The following LRRFIP1 variants were observed in gnomAD, a reference collection of about 807,000 sequenced individuals.
LRRFIP1 encodes the protein leucine-rich repeat flightless-interacting protein 1.
Under a neutral mutation model 104.4 loss-of-function variants are expected in LRRFIP1, and 62 were observed. The observed-to-expected ratio is 0.59, with a 90% CI of 0.48 to 0.73. LRRFIP1 has a LOEUF of 0.73. Among genes scored for constraint, LRRFIP1 ranks in the 30% least tolerant of loss-of-function variants. LRRFIP1 has a pLI of 0.00. For missense variants in LRRFIP1, 796 were observed against 824.5 expected (o/e 0.97, Z 0.42); for synonymous variants, 300 against 299.0 (o/e 1.00, Z -0.03).
At chr2:237,697,039 A>G (rs1001257438) in intron 1 of LRRFIP1, among the ~76,000 whole-genome samples, 1 of 151,622 alleles carries the variant, frequency 6.6e-6, no homozygotes, top group African/African-American at 2.4e-5. Flanking sequence ...CTTTTTTTTT[A>G]TTGAGACAGT....
intron 23 of LRRFIP1, among the ~76,000 whole-genome samples, chr2:237,774,834 A>G (rs2060943404): frequency 6.6e-6 from 1 of 152,240 alleles, no homozygotes; most frequent in Non-Finnish European, 1.5e-5. Context: ...GCTGTGGCCA[A>G]GAGCTGGGTG....
rs1429983162 is a variant in LRRFIP1 at position 237,691,702 on chromosome 2, G to T, written c.97-16842G>T. Among the ~76,000 whole-genome samples, 1 of 152,072 alleles carries T rather than the reference G, an allele frequency of 6.6e-6. No homozygotes were observed. The highest frequency in any genetic ancestry group is 1.9e-4 in the East Asian group (1 of 5,176). On this transcript the variant is annotated intron_variant, in intron 1 of 23. Transcript: ENST00000308482. This position sits in a 1 kb window ranked among gnomAD's most constrained non-coding sequence, Gnocchi z 5.4. Reference sequence around the variant, plus strand: ...CCCGGGCAGGTCCCCCCCCGGAGGGGACCCCCTCTTCGGGTCGACCCCTAC... The same window carrying T: ...CCCGGGCAGGTCCCCCCCCGGAGGGTACCCCCTCTTCGGGTCGACCCCTAC...
chr2:237,720,041 A>G (rs919967580), intron 5 of LRRFIP1, among the ~76,000 whole-genome samples: 1 of 140,198 alleles, frequency 7.1e-6, no homozygotes, highest in Non-Finnish European at 1.5e-5. Flanking sequence ...TCCACCTCCC[A>G]GGTTCAACAA....
intron 8 of LRRFIP1, among the ~76,000 whole-genome samples, chr2:237,729,037 C>G (rs955242806): frequency 6.6e-6 from 1 of 152,244 alleles, no homozygotes; most frequent in Non-Finnish European, 1.5e-5. Flanking sequence ...ATTCTCCTGC[C>G]TCAGCCTCCC....
At chr2:237,637,049 A>G (rs1205227837) in intron 1 of LRRFIP1, among the ~76,000 whole-genome samples, 1 of 152,254 alleles carries the variant, frequency 6.6e-6, no homozygotes, top group African/African-American at 2.4e-5. Context: ...TCTAGTGTCT[A>G]CACAGCTCAA....
At chr2:237,676,105 G>T (rs1364309500) in intron 1 of LRRFIP1, among the ~76,000 whole-genome samples, 1 of 152,154 alleles carries the variant, frequency 6.6e-6, no homozygotes, top group Non-Finnish European at 1.5e-5. Flanking sequence ...CTGAAATTCT[G>T]TACACATTAA....
intron 23 of LRRFIP1, among the ~76,000 whole-genome samples, chr2:237,779,170 C>T (rs1042534075): frequency 1.3e-5 from 2 of 152,068 alleles, no homozygotes; most frequent in Non-Finnish European, 2.9e-5. Flanking sequence ...GCCGAGATCA[C>T]GCCACTGCAC....
intron 3 of LRRFIP1, among the ~76,000 whole-genome samples, chr2:237,715,976 A>G (rs2094319368): frequency 6.6e-6 from 1 of 152,256 alleles, no homozygotes; most frequent in Admixed American, 6.5e-5. Flanking sequence ...AAAGATTTTC[A>G]GAACTGGTCC....
intron 1 of LRRFIP1, among the ~76,000 whole-genome samples, chr2:237,641,391 G>A (rs1013290038): frequency 6.6e-6 from 1 of 151,806 alleles, no homozygotes; most frequent in Non-Finnish European, 1.5e-5. Flanking sequence ...AGGTGCCTCA[G>A]GAGGCTGAGG....
At chr2:237,729,788 C>G in intron 8 of LRRFIP1, 1 of 985,360 alleles carries the variant, frequency 1.0e-6, no homozygotes, top group Non-Finnish European at 1.2e-6. Context: ...AGAATTCCAG[C>G]TACAGCGGTG....
intron 1 of LRRFIP1, among the ~76,000 whole-genome samples, chr2:237,671,805 T>TGTCTGCATGTGTGTGTGC (rs2090387091): frequency 1.3e-5 from 2 of 150,778 alleles, no homozygotes; most frequent in Admixed American, 1.3e-4. Context: ...GGTGTGTGTG[T>TGTCTGCATGTGTGTGTGC]GCCTGCATGT....
intron 1 of LRRFIP1, among the ~76,000 whole-genome samples, chr2:237,695,680 G>A (rs1460646876): frequency 3.9e-5 from 6 of 151,956 alleles, no homozygotes; most frequent in African/African-American, 1.5e-4. Context: ...ATCTCACTAC[G>A]TGTTAGACAT....
At chr2:237,719,706 G>T in intron 5 of LRRFIP1, 139 bp downstream of exon 5, 1 of 560,084 alleles carries the variant, frequency 1.8e-6, no homozygotes, top group Non-Finnish European at 3.1e-6. Flanking sequence ...TACTATTAAT[G>T]ATAGAATACT....
rs539733839 is a variant in LRRFIP1 at position 237,666,845 on chromosome 2, TTTTC to T, written c.96+39124_96+39127del. Among the ~76,000 whole-genome samples the T allele has an allele frequency of 8.9e-4, 133 of 148,820 alleles. 1 individual carries two copies. The Middle Eastern group carries it at 0.01, about 12-fold the overall frequency. ...TCCCTCCCTGCCTTCCTGCCTTCTTTTTTCTTTCTTTCTTTCTTTCTTCTCTTTC... is the reference window on the plus strand; with the variant it reads ...TCCCTCCCTGCCTTCCTGCCTTCTTTTTTCTTTCTTTCTTTCTTCTCTTTC... On this transcript the variant is annotated intron_variant, in intron 1 of 23. Transcript: ENST00000308482.
chr2:237,726,451 G>A lies in LRRFIP1; in HGVS notation c.385-1425G>A, dbSNP rs559131391. ...ATGTTTAGCACCTCCCATATGCCAG[G>A]CCCCTTCCATGTGGATTCATGTATC... On this transcript the variant is annotated intron_variant, in intron 7 of 23. Coordinates refer to ENST00000308482, the MANE Select transcript of LRRFIP1 (RefSeq NM_001137550.2). Among the ~76,000 whole-genome samples the A allele has an allele frequency of 4.6e-5, 7 of 152,272 alleles. No individual in the cohort carries two copies. In the South Asian group the frequency reaches 1.5e-3, roughly 32 times the overall value.
intron 1 of LRRFIP1, among the ~76,000 whole-genome samples, chr2:237,685,145 T>A (rs2149685492): frequency 7.1e-6 from 1 of 140,856 alleles, no homozygotes. Context: ...AAATCAGAAG[T>A]GGTTTTCTTA....
intron 8 of LRRFIP1, among the ~76,000 whole-genome samples, chr2:237,730,815 G>C (rs1365376663): frequency 6.6e-6 from 1 of 152,194 alleles, no homozygotes; most frequent in East Asian, 1.9e-4. Context: ...CTACTCGGGG[G>C]GCTGAGGCAG....
At position 237,649,812 on chromosome 2, in the gene LRRFIP1, G is replaced by T. The variant is rs1046201052; in HGVS notation, c.96+22072G>T. 2.0e-5 allele frequency among the ~76,000 whole-genome samples: 3 copies of T among 151,634 alleles called. No individual in the cohort carries two copies. The highest frequency in any genetic ancestry group is 7.3e-5 in the African/African-American group (3 of 41,314). ...CCACCCGGGCTGAGTTCATTTACCTGCTCATTCATGTATTCACTTTTCCTC... is the reference window on the plus strand; with the variant it reads ...CCACCCGGGCTGAGTTCATTTACCTTCTCATTCATGTATTCACTTTTCCTC... On this transcript the variant is annotated intron_variant, in intron 1 of 23. Transcript: ENST00000308482. This position sits in a 1 kb window ranked among gnomAD's most constrained non-coding sequence, Gnocchi z 4.1.
At chr2:237,689,920 C>T (rs1040107292) in intron 1 of LRRFIP1, among the ~76,000 whole-genome samples, 1 of 152,234 alleles carries the variant, frequency 6.6e-6, no homozygotes, top group African/African-American at 2.4e-5. Context: ...TCCTCACCCT[C>T]ACAGCGGGCA....
Sources: allele counts gnomAD v4.1 joint callset (sites outside exome capture counted in the v4.1 genomes callset), GRCh38; gene constraint gnomAD v4.1.1; non-coding constraint Gnocchi (gnomAD v3.1); transcripts MANE v1.5; gene names NCBI Gene and HGNC (gene_info 2026-07-23, HGNC 2026-07-21).